Variants in MTREX observed in about 807,000 individuals in gnomAD.
MTREX encodes the protein exosome RNA helicase MTR4.
In MTREX, 76 loss-of-function variants were observed where a neutral mutation model predicts 135.4. The observed-to-expected ratio is 0.56, with a 90% confidence interval of 0.47 to 0.68. The LOEUF (loss-of-function observed/expected upper bound fraction) is 0.68, where lower values mean the gene tolerates loss of function less well. MTREX is among the 30% of genes least tolerant of loss of function. The pLI, the probability that MTREX is intolerant of heterozygous loss-of-function variation, is 0.00. For synonymous variants in MTREX, 404 were observed against 401.6 expected, an observed-to-expected ratio of 1.01 and a Z score of -0.07; for missense variants, 920 against 1,262.1, an observed-to-expected ratio of 0.73 and a Z score of 4.11.
intron 1 of MTREX, among the ~76,000 whole-genome samples, chr5:55,320,606 T>C (rs1749273374): frequency 6.6e-6 from 1 of 152,112 alleles, no homozygotes; most frequent in Non-Finnish European, 1.5e-5. Flanking sequence ...GCAGCCACCA[T>C]TCTGTGCAAA....
chr5:55,329,592 G>A (rs186673546), intron 5 of MTREX, among the ~76,000 whole-genome samples: 2 of 152,200 alleles, frequency 1.3e-5, no homozygotes, highest in Admixed American at 6.5e-5. Flanking sequence ...GTTTATTGTA[G>A]TGCAGTTCTA....
intron 19 of MTREX, among the ~76,000 whole-genome samples, chr5:55,393,274 G>A (rs1348216797): frequency 6.6e-6 from 1 of 152,156 alleles, no homozygotes; most frequent in Non-Finnish European, 1.5e-5. Context: ...TGAAGAAGTT[G>A]ATTTTGACAA....
At chr5:55,311,923 A>G (rs1333356417) in intron 1 of MTREX, among the ~76,000 whole-genome samples, 1 of 152,210 alleles carries the variant, frequency 6.6e-6, no homozygotes, top group Non-Finnish European at 1.5e-5. Flanking sequence ...ATATGTATGT[A>G]TATATACTGG....
intron 3 of MTREX, among the ~76,000 whole-genome samples, chr5:55,327,308 A>G (rs1749398803): frequency 6.6e-6 from 1 of 152,008 alleles, no homozygotes; most frequent in Non-Finnish European, 1.5e-5. Flanking sequence ...TTTTCCCTTA[A>G]CTATTTCTAG....
At chr5:55,308,568 A>G (rs1335583101) in intron 1 of MTREX, among the ~76,000 whole-genome samples, 2 of 152,104 alleles carry the variant, frequency 1.3e-5, no homozygotes, top group Admixed American at 6.6e-5. Context: ...GAGACATTTA[A>G]TCTCCAAGAT....
Position 55,381,907 on chromosome 5 carries a change from T to C in MTREX, c.2052+2712T>C, listed in dbSNP as rs192972535. On this transcript the variant is annotated intron_variant, in intron 18 of 26. Coordinates refer to ENST00000230640, the MANE Select transcript of MTREX (RefSeq NM_015360.5). Reference sequence around the variant, plus strand: ...TTTTCCCTTCATTTCTATCAGTTTTTGCTTCATGTGTTTTCAAGCTCTGTT... The same window carrying C: ...TTTTCCCTTCATTTCTATCAGTTTTCGCTTCATGTGTTTTCAAGCTCTGTT... Among the ~76,000 whole-genome samples the C allele has an allele frequency of 4.3e-3, 649 of 152,360 alleles. 5 individuals carry two copies. The highest frequency in any genetic ancestry group is 0.015 in the African/African-American group (620 of 41,588).
intron 6 of MTREX, among the ~76,000 whole-genome samples, chr5:55,341,241 G>T (rs573671631): frequency 6.6e-6 from 1 of 152,220 alleles, no homozygotes; most frequent in East Asian, 1.9e-4. Flanking sequence ...AAGAAAACGA[G>T]GCAGAAAAAA....
chr5:55,311,701 G>A (rs543787787), intron 1 of MTREX, among the ~76,000 whole-genome samples: 6 of 152,054 alleles, frequency 3.9e-5, no homozygotes, highest in East Asian at 1.9e-4. Flanking sequence ...TGAGATGTTC[G>A]GTGAGTGTAA....
At chr5:55,333,247 A>T (rs958213780) in intron 5 of MTREX, among the ~76,000 whole-genome samples, 2 of 152,108 alleles carry the variant, frequency 1.3e-5, no homozygotes, top group African/African-American at 4.8e-5. Flanking sequence ...AATAGTCTTT[A>T]TCTCTTTCTC....
At chr5:55,403,383 G>A (rs1255967008) in intron 21 of MTREX, among the ~76,000 whole-genome samples, 1 of 151,976 alleles carries the variant, frequency 6.6e-6, no homozygotes, top group African/African-American at 2.4e-5. Context: ...GCATTGTCTG[G>A]TGTCAGCCAC....
intron 21 of MTREX, among the ~76,000 whole-genome samples, chr5:55,400,724 G>A (rs979012965): frequency 6.6e-6 from 1 of 152,130 alleles, no homozygotes; most frequent in Non-Finnish European, 1.5e-5. Context: ...GGTTTTTAGT[G>A]TATTCACAGA....
intron 7 of MTREX, 30 bp from the exon 8 acceptor site, chr5:55,343,301 T>C: frequency 6.4e-7 from 1 of 1,572,386 alleles, no homozygotes. Context: ...AGTCCAACTA[T>C]AGTCCAAAGT....
intron 13 of MTREX, 82 bp downstream of exon 13, chr5:55,351,111 A>C (rs1749820368): frequency 7.1e-7 from 1 of 1,399,962 alleles, no homozygotes; most frequent in East Asian, 2.7e-5. Flanking sequence ...GTTTATAGGC[A>C]ATATGTGTGT....
At chr5:55,316,641 A>G (rs1749202847) in intron 1 of MTREX, among the ~76,000 whole-genome samples, 1 of 152,198 alleles carries the variant, frequency 6.6e-6, no homozygotes, top group Admixed American at 6.5e-5. Context: ...ACCTCAATAT[A>G]ATAGAGCCAT....
chr5:55,416,995 A>G (rs1211064038), intron 25 of MTREX, among the ~76,000 whole-genome samples: 1 of 152,198 alleles, frequency 6.6e-6, no homozygotes, highest in East Asian at 1.9e-4. Flanking sequence ...TATTTTTATG[A>G]TGCATAGGTT....
chr5:55,386,970 A>G (rs1378541648), intron 18 of MTREX, among the ~76,000 whole-genome samples: 1 of 152,096 alleles, frequency 6.6e-6, no homozygotes, highest in Non-Finnish European at 1.5e-5. Flanking sequence ...TGTAAAACTC[A>G]TTTCATAATG....
intron 16 of MTREX, among the ~76,000 whole-genome samples, chr5:55,371,910 C>A (rs1406212082): frequency 6.6e-6 from 1 of 152,074 alleles, no homozygotes; most frequent in South Asian, 2.1e-4. Context: ...CTTAAAATGT[C>A]TTTCAGACTT....
chr5:55,359,414 C>T (rs145089922), intron 15 of MTREX, among the ~76,000 whole-genome samples: 98 of 152,232 alleles, frequency 6.4e-4, no homozygotes, highest in African/African-American at 2.2e-3. Context: ...TGTTAAGACA[C>T]ACTTAGGTCA....
chr5:55,376,126 G>A (rs925437724), intron 16 of MTREX, among the ~76,000 whole-genome samples: 2 of 152,156 alleles, frequency 1.3e-5, no homozygotes, highest in African/African-American at 2.4e-5. Context: ...CTGATCTAAC[G>A]CCTCAGCTCT....
Sources: allele counts gnomAD v4.1 joint callset (sites outside exome capture counted in the v4.1 genomes callset), GRCh38; gene constraint gnomAD v4.1.1; transcripts MANE v1.5; gene names NCBI Gene and HGNC (gene_info 2026-07-23, HGNC 2026-07-21).